PCDH15: variants seen among roughly 807,000 people sequenced by gnomAD.
PCDH15 encodes protocadherin related 15.
Under a neutral mutation model 178.5 loss-of-function variants are expected in PCDH15, and 129 were observed. The observed-to-expected ratio is 0.72, with a 90% confidence interval of 0.63 to 0.84. The LOEUF (loss-of-function observed/expected upper bound fraction) is 0.84. Among genes scored for constraint, PCDH15 ranks in the 40% least tolerant of loss-of-function variants. The pLI is 0.00. For synonymous variants in PCDH15, 800 were observed against 732.0 expected (o/e 1.09, Z -1.50); for missense variants, 2,230 against 2,099.9 (o/e 1.06, Z -1.21).
chr10:54,310,166 T>C (rs1278196381), intron 8 of PCDH15, among the ~76,000 whole-genome samples: 1 of 152,014 alleles, frequency 6.6e-6, no homozygotes, highest in South Asian at 2.1e-4. Flanking sequence ...TGGAAAGTGG[T>C]CAGATATAAG....
intron 2 of PCDH15, among the ~76,000 whole-genome samples, chr10:55,050,924 C>A (rs1841145932): frequency 6.6e-6 from 1 of 152,004 alleles, no homozygotes; most frequent in South Asian, 2.1e-4. Context: ...CAGTGATTAT[C>A]AGTAATGTTT....
chr10:54,558,758 G>A (rs1423247267), intron 2 of PCDH15, among the ~76,000 whole-genome samples: 4 of 152,046 alleles, frequency 2.6e-5, no homozygotes, highest in Non-Finnish European at 1.5e-5. Context: ...GTGGGAAAAT[G>A]TGAGAAATAT....
intron 2 of PCDH15, among the ~76,000 whole-genome samples, chr10:55,098,170 A>C (rs1287849916): frequency 6.6e-6 from 1 of 152,136 alleles, no homozygotes; most frequent in Non-Finnish European, 1.5e-5. Context: ...ACTAATTTAA[A>C]TCTCACAAAA....
intron 1 of PCDH15, among the ~76,000 whole-genome samples, chr10:54,694,179 A>C (rs543374799): frequency 6.6e-6 from 1 of 152,272 alleles, no homozygotes; most frequent in African/African-American, 2.4e-5. Context: ...GGCTACAACT[A>C]AAGAATGAAA....
At position 54,833,283 on chromosome 10, in the gene PCDH15, G is replaced by A. The variant is rs142612934; in HGVS notation, c.-29+64167C>T. 1.6e-3 allele frequency among the ~76,000 whole-genome samples: 242 copies of A among 152,212 alleles called. 3 individuals are homozygous for A. The highest frequency in any genetic ancestry group is 0.013 in the Admixed American group (194 of 15,274). Reference sequence around the variant, plus strand: ...GATAATTAATTTTGTTTATTAACTTGTCTAGGCAATGCTGTCCATTTGTTT... The same window carrying A: ...GATAATTAATTTTGTTTATTAACTTATCTAGGCAATGCTGTCCATTTGTTT... On this transcript the variant is annotated intron_variant, in intron 3 of 5. Coordinates refer to the PCDH15 transcript ENST00000458638.
chr10:54,699,937 A>T (rs1162432472), intron 1 of PCDH15, among the ~76,000 whole-genome samples: 2 of 152,102 alleles, frequency 1.3e-5, no homozygotes, highest in Non-Finnish European at 2.9e-5. Flanking sequence ...ATTATATTTT[A>T]TGTATTTTAA....
chr10:55,230,690 G>GTCATGT (rs1841190269), intron 1 of PCDH15, among the ~76,000 whole-genome samples: 1 of 152,058 alleles, frequency 6.6e-6, no homozygotes, highest in Non-Finnish European at 1.5e-5. Flanking sequence ...TCAGTGTGAT[G>GTCATGT]TCATGTTTTC....
intron 2 of PCDH15, among the ~76,000 whole-genome samples, chr10:54,931,973 A>T (rs1837789460): frequency 6.6e-6 from 1 of 152,158 alleles, no homozygotes; most frequent in South Asian, 2.1e-4. Flanking sequence ...CTCCACTTAG[A>T]CTGTACATAC....
chr10:54,208,803 A>T (rs2134056692), intron 10 of PCDH15, among the ~76,000 whole-genome samples: 1 of 152,136 alleles, frequency 6.6e-6, no homozygotes, highest in South Asian at 2.1e-4. Context: ...ATATATTGCT[A>T]GAATATTTCC....
At chr10:54,721,138 T>C (rs1941528916) in intron 1 of PCDH15, among the ~76,000 whole-genome samples, 1 of 152,020 alleles carries the variant, frequency 6.6e-6, no homozygotes, top group South Asian at 2.1e-4. Context: ...GAATGACATT[T>C]GTGTAAGCAA....
intron 10 of PCDH15, among the ~76,000 whole-genome samples, chr10:54,197,302 A>G (rs1442003824): frequency 3.9e-5 from 6 of 151,946 alleles, no homozygotes; most frequent in African/African-American, 1.4e-4. Flanking sequence ...AATACTAACC[A>G]TAGATTTTCT....
chr10:54,718,351 A>G (rs1051552315), intron 1 of PCDH15, among the ~76,000 whole-genome samples: 2 of 152,142 alleles, frequency 1.3e-5, no homozygotes, highest in African/African-American at 4.8e-5. Flanking sequence ...TGAGATCTCC[A>G]TGATTCCAGT....
chr10:53,959,830 A>G lies in PCDH15; in HGVS notation c.3024T>C (p.Ala1008=). ...ACATCACAGGCTCCCCATCATCAAA[A>G]GCAACCACCACCAACTTAAAAAGCA... ...PTTIFKLVVV[A]FDDGEPVMSS... Residue 1008 remains alanine (A), a synonymous_variant, in exon 23 of 38, where the codon GCT becomes GCC. Coordinates refer to ENST00000644397, the MANE Select transcript of PCDH15 (RefSeq NM_001384140.1). 1 of 1,613,732 alleles carries G rather than the reference A, an allele frequency of 6.2e-7. No homozygotes were observed. The highest frequency in any genetic ancestry group is 1.7e-4 in the Middle Eastern group (1 of 6,058).
intron 1 of PCDH15, among the ~76,000 whole-genome samples, chr10:55,179,858 C>A (rs561845401): frequency 4.3e-4 from 66 of 152,052 alleles, no homozygotes; most frequent in African/African-American, 1.5e-3. Flanking sequence ...CTGGGTGACA[C>A]TCCCTCCTGC....
In PCDH15 at chr10:54,143,355, C is replaced by T. The variant is rs142907536; in HGVS notation, c.1784+9745G>A. ...ATTTCTTTATCTACTGTGCCTTTAA[C>T]TATGACTCTCTTAAGACTTTTGTCA... On this transcript the variant is annotated intron_variant, in intron 14 of 37. Transcript: ENST00000644397. Among the ~76,000 whole-genome samples, 17 of 152,222 alleles carry T rather than the reference C, an allele frequency of 1.1e-4. No homozygotes were observed. In the East Asian group the frequency reaches 3.1e-3, roughly 28 times the overall value.
chr10:53,998,715 A>C (rs1273794500), intron 20 of PCDH15, among the ~76,000 whole-genome samples: 7 of 152,138 alleles, frequency 4.6e-5, no homozygotes, highest in African/African-American at 1.7e-4. Flanking sequence ...TTTAGAAGAT[A>C]AGTAGAAAGT....
intron 2 of PCDH15, among the ~76,000 whole-genome samples, chr10:55,148,135 A>C (rs191320887): frequency 6.6e-6 from 1 of 151,794 alleles, no homozygotes; most frequent in African/African-American, 2.4e-5. Flanking sequence ...TACTTCCACT[A>C]TCACATAGTA....
At chr10:54,373,055 CTCAA>C (rs773071281) in intron 4 of PCDH15, among the ~76,000 whole-genome samples, 2 of 151,756 alleles carry the variant, frequency 1.3e-5, no homozygotes, top group African/African-American at 2.4e-5. Flanking sequence ...TTATGAATTT[CTCAA>C]TCATTTAGGA....
chr10:53,991,228 C>T (rs1261285207), intron 21 of PCDH15, among the ~76,000 whole-genome samples: 1 of 152,198 alleles, frequency 6.6e-6, no homozygotes, highest in Non-Finnish European at 1.5e-5. Flanking sequence ...GGCAGCTCTG[C>T]CTGCAGCCCC....
Sources: gnomAD v4.1 joint callset for allele counts (sites outside exome capture counted in the v4.1 genomes callset) on GRCh38, gnomAD v4.1.1 for gene constraint, MANE v1.5 for transcripts, NCBI Gene and HGNC (gene_info 2026-07-23, HGNC 2026-07-21) for gene names.